The following ACSM4 variants were observed in gnomAD, a reference collection of about 807,000 sequenced individuals.
ACSM4 encodes the protein acyl-coenzyme A synthetase ACSM4, mitochondrial.
ACSM4 carries 66 observed loss-of-function variants against 73.0 expected under a neutral mutation model. That is an observed-to-expected ratio of 0.90 (90% confidence interval 0.74 to 1.11). The LOEUF is 1.11. ACSM4 is among the 50% of genes least tolerant of loss of function. The pLI is 0.00. For missense variants in ACSM4, 645 were observed against 714.4 expected (o/e 0.90, Z 1.11); for synonymous variants, 222 against 254.0 (o/e 0.87, Z 1.20).
intron 3 of ACSM4, among the ~76,000 whole-genome samples, chr12:7,315,928 A>C (rs1158900951): frequency 6.6e-6 from 1 of 152,178 alleles, no homozygotes; most frequent in Non-Finnish European, 1.5e-5. Context: ...GGACAGTCTA[A>C]ACATCTTTAT....
rs775114095 is a variant in ACSM4, at chr12:7,328,410, G to A, written c.*37G>A. 1.4e-5 allele frequency: 21 copies of A among 1,456,190 alleles called. No homozygotes were observed. Among genetic ancestry groups the A allele is most frequent in the Non-Finnish European group, 1.9e-5 (20 of 1,075,340 alleles). The allele number at this position is 1,456,190 out of a possible 1,614,324, so 90.2% of individuals were successfully genotyped here. On this transcript the variant is annotated 3_prime_UTR_variant, in exon 13 of 13. Transcript: ENST00000399422. ...AGCTGAAGGGTTAAGCAGTAATATG[G>A]TTGCTTTCTTTTAGTATTTGTTCCG...
At chr12:7,327,117 TAA>T in intron 12 of ACSM4, 22 bp downstream of exon 12, 8 of 1,577,420 alleles carry the variant, frequency 5.1e-6, no homozygotes, top group Non-Finnish European at 6.9e-6. Context: ...GCCCAAAAGT[TAA>T]GTTTGGATGT....
In ACSM4 at chr12:7,323,533, G is replaced by C; in HGVS notation, c.1281G>C (p.Arg427=). 1.2e-6 allele frequency: 2 copies of C among 1,613,678 alleles called. No individual in the cohort carries two copies. The highest frequency in any genetic ancestry group is 2.2e-5 in the East Asian group (1 of 44,860). The change falls in exon 9 of 13, where the codon CGG becomes CGC. Residue 427 remains arginine (R), a synonymous_variant. Coordinates refer to ENST00000399422, the MANE Select transcript of ACSM4 (RefSeq NM_001080454.2). ...TTGCCCTCAGACTCAAACCTACACG[G>C]CCCTTCTGTTTCTTCTCTAAATATG... ...GEIALRLKPT[R]PFCFFSKYVD...
At position 7,317,118 on chromosome 12, in the gene ACSM4, T is replaced by TG; in HGVS notation, c.621-15dup. On this transcript the variant is annotated intron_variant, in intron 3 of 12. Coordinates refer to ENST00000399422, the MANE Select transcript of ACSM4 (RefSeq NM_001080454.2). ...GGTCTGCCATCTTCCACCGCCATCTTGGGGTCCATATTTTGCAGATTCGCC... is the reference window on the plus strand; with the variant it reads ...GGTCTGCCATCTTCCACCGCCATCTTGGGGGTCCATATTTTGCAGATTCGCC... The TG allele has an allele frequency of 6.2e-7, 1 of 1,602,484 alleles. No homozygotes were observed.
chr12:7,306,433 C>A (rs1946362462), intron 1 of ACSM4, 100 bp from the exon 2 acceptor site: 1 of 1,150,052 alleles, frequency 8.7e-7, no homozygotes, highest in African/African-American at 1.5e-5. Context: ...TAGCAGAATG[C>A]ACCAGAACCA....
At chr12:7,306,867 A>G (rs1471112090) in intron 2 of ACSM4, 124 bp downstream of exon 2, 1 of 918,906 alleles carries the variant, frequency 1.1e-6, no homozygotes, top group African/African-American at 1.7e-5. Flanking sequence ...AAAAAAAAGA[A>G]GAGTTAAGGC....
At position 7,328,270 on chromosome 12, in the gene ACSM4, T is replaced by A. The variant is rs1946525375; in HGVS notation, c.1657-17T>A. 2 of 1,560,640 alleles carry A rather than the reference T, an allele frequency of 1.3e-6. No homozygotes were observed. Among genetic ancestry groups the A allele is most frequent in the Non-Finnish European group, 1.7e-6 (2 of 1,149,630 alleles). ...GATGGAATCAAGTGTCTCATCACGT[T>A]TTTTTCTGTCAATTAGGTGGAATTT... On this transcript the variant is annotated splice_polypyrimidine_tract_variant and intron_variant, in intron 12 of 12. Coordinates refer to ENST00000399422, the MANE Select transcript of ACSM4 (RefSeq NM_001080454.2).
At position 7,325,377 on chromosome 12, in the gene ACSM4, T is replaced by A. The variant is rs12829690; in HGVS notation, c.1536+779T>A. Among the ~76,000 whole-genome samples the A allele has an allele frequency of 2.0e-4, 31 of 152,332 alleles. No homozygotes were observed. The South Asian group carries it at 6.4e-3, about 32-fold the overall frequency. On this transcript the variant is annotated intron_variant, in intron 11 of 12. Coordinates refer to ENST00000399422, the MANE Select transcript of ACSM4 (RefSeq NM_001080454.2). ...ATAGAAAATGGTGGGCTGGGCACGG[T>A]GGCTCACGCCTGTAATCCCGGCACT...
Position 7,306,663 on chromosome 12 carries a change from T to A in ACSM4, c.332T>A (p.Leu111Gln). ...AACGTGCTCACCAAGCCCTGTGGCC[T>A]GCAGAGAGGAGACCGTTTGGCCGTG... is the stretch of plus-strand genomic sequence containing the variant. ...AANVLTKPCG[L>Q]QRGDRLAVIL... is the part of the protein sequence containing the mutation. Residue 111 changes from leucine to glutamine, a missense_variant, in exon 2 of 13, where the codon CTG becomes CAG. Coordinates refer to ENST00000399422, the MANE Select transcript of ACSM4 (RefSeq NM_001080454.2). The A allele has an allele frequency of 6.2e-7, 1 of 1,610,878 alleles. No homozygotes were observed. Among genetic ancestry groups the A allele is most frequent in the Non-Finnish European group, 8.5e-7 (1 of 1,178,694 alleles).
rs1946431099 is a variant in ACSM4, at chr12:7,317,597, C to T, written c.764+317C>T. 2.6e-5 allele frequency among the ~76,000 whole-genome samples: 4 copies of T among 152,316 alleles called. No individual in the cohort carries two copies. The South Asian group carries it at 8.3e-4, about 32-fold the overall frequency. On this transcript the variant is annotated intron_variant, in intron 4 of 12. Coordinates refer to ENST00000399422, the MANE Select transcript of ACSM4 (RefSeq NM_001080454.2). ...GCTATCCGACCATTGTCACATTATC[C>T]TATTTTATTTTCCTCATGGCATTTA...
intron 3 of ACSM4, 106 bp from the exon 4 acceptor site, chr12:7,317,031 A>G (rs1946425023): frequency 7.3e-7 from 1 of 1,369,292 alleles, no homozygotes; most frequent in African/African-American, 1.5e-5. Context: ...CAGTTCTGTT[A>G]ACTATCTTCT....
At chr12:7,310,363 C>T (rs957214876) in intron 2 of ACSM4, among the ~76,000 whole-genome samples, 176 bp from the exon 3 acceptor site, 1 of 152,180 alleles carries the variant, frequency 6.6e-6, no homozygotes, top group Non-Finnish European at 1.5e-5. Context: ...GAAGCTAGTG[C>T]TCCAAGGGAT....
intron 11 of ACSM4, among the ~76,000 whole-genome samples, chr12:7,325,100 C>T (rs1946494209): frequency 6.6e-6 from 1 of 152,240 alleles, no homozygotes; most frequent in Non-Finnish European, 1.5e-5. Context: ...CATTTGCCTA[C>T]CTTAGATCAC....
chr12:7,321,178 CA>C (rs200720261), intron 6 of ACSM4, among the ~76,000 whole-genome samples: 2 of 150,788 alleles, frequency 1.3e-5, no homozygotes, highest in Non-Finnish European at 3.0e-5. Flanking sequence ...AACTCCCACT[CA>C]AAAAAAAATT....
chr12:7,324,585 A>G lies in ACSM4; in HGVS notation c.1523A>G (p.Gln508Arg). 6.2e-7 allele frequency: 1 copy of G among 1,613,948 alleles called. No homozygotes were observed. Among genetic ancestry groups the G allele is most frequent in the Non-Finnish European group, 8.5e-7 (1 of 1,179,822 alleles). The change falls in exon 11 of 13, where the codon CAA (glutamine) becomes CGA (arginine). Residue 508 changes from glutamine (Q) to arginine (R), a missense_variant. Coordinates refer to ENST00000399422, the MANE Select transcript of ACSM4 (RefSeq NM_001080454.2). ...TCGGCTGTTGTCAGTAGTCCAGATC[A>G]AATCCGCGGAGAGGTAGATGAATGT... ...VESAVVSSPD[Q>R]IRGEVVKAFV... is the part of the protein sequence containing the mutation.
intron 7 of ACSM4, among the ~76,000 whole-genome samples, chr12:7,322,924 C>A (rs895449872): frequency 6.6e-6 from 1 of 152,080 alleles, no homozygotes; most frequent in African/African-American, 2.4e-5. Context: ...GCCCTCAAAC[C>A]AAGCAACATC....
intron 3 of ACSM4, among the ~76,000 whole-genome samples, chr12:7,315,498 GCTA>G (rs1946415601): frequency 6.6e-6 from 1 of 152,094 alleles, no homozygotes; most frequent in East Asian, 1.9e-4. Flanking sequence ...TGTAGTCTCA[GCTA>G]CTTGGGAGGC....
chr12:7,320,762 C>T lies in ACSM4; in HGVS notation c.959C>T (p.Pro320Leu). 1 of 1,613,708 alleles carries T rather than the reference C, an allele frequency of 6.2e-7. No individual in the cohort carries two copies. The highest frequency in any genetic ancestry group is 8.5e-7 in the Non-Finnish European group (1 of 1,179,770). Reference protein sequence around the residue: ...TTYPITTLCSPPTVYRMLVQK... With the variant: ...TTYPITTLCSLPTVYRMLVQK... Reference sequence around the variant, plus strand: ...TATCCCATCACGACCCTGTGCAGTCCTCCCACTGTGTACCGGATGCTCGTG... The same window carrying T: ...TATCCCATCACGACCCTGTGCAGTCTTCCCACTGTGTACCGGATGCTCGTG... The change falls in exon 6 of 13, where the codon CCT becomes CTT. Residue 320 changes from proline to leucine, a missense_variant. By Grantham distance (98) the Pro-to-Leu change is moderately conservative (BLOSUM62 -3). Transcript: ENST00000399422.
Position 7,328,345 on chromosome 12 carries a change from T to C in ACSM4, c.1715T>C (p.Leu572Ser). 1 of 1,594,584 alleles carries C rather than the reference T, an allele frequency of 6.3e-7. No individual in the cohort carries two copies. The highest frequency in any genetic ancestry group is 2.3e-5 in the East Asian group (1 of 44,244). The change falls in exon 13 of 13, where the codon TTA becomes TCA. Residue 572 changes from leucine (L) to serine (S), a missense_variant. Transcript: ENST00000399422. ...ACTGGGAAAATCAAACGCAACGTTT[T>C]AAGAGACCAAGAATGGAGAGGAAGA... The part of the protein sequence containing the change: ...TITGKIKRNV[L>S]RDQEWRGR
Sources: gnomAD v4.1 joint callset for allele counts (sites outside exome capture counted in the v4.1 genomes callset) on GRCh38, gnomAD v4.1.1 for gene constraint, MANE v1.5 for transcripts, NCBI Gene and HGNC (gene_info 2026-07-23, HGNC 2026-07-21) for gene names.